RALGPS1: variants seen among roughly 807,000 people sequenced by gnomAD.
RALGPS1 encodes Ral GEF with PH domain and SH3 binding motif 1, also known as ras-specific guanine nucleotide-releasing factor RalGPS1.
In RALGPS1, 19 loss-of-function variants were observed where a neutral mutation model predicts 78.8. The ratio of observed to expected loss-of-function variants is 0.24; its 90% CI spans 0.17 to 0.35. RALGPS1 has a LOEUF of 0.35. RALGPS1 is among the 10% of genes least tolerant of loss of function. The pLI is 1.00. For synonymous variants in RALGPS1, 228 were observed against 256.3 expected, an observed-to-expected ratio of 0.89 and a Z score of 1.06; for missense variants, 454 against 688.3, an observed-to-expected ratio of 0.66 and a Z score of 3.81.
intron 4 of RALGPS1, among the ~76,000 whole-genome samples, chr9:126,984,689 G>C (rs1261585943): frequency 6.6e-6 from 1 of 152,078 alleles, no homozygotes; most frequent in African/African-American, 2.4e-5. Flanking sequence ...TGACCAGTTG[G>C]ATCCCTTTTA....
rs149927826 is a variant in RALGPS1, at chr9:126,929,524, TCACCGCAA to T, written c.-66+14551_-66+14558del. 5.6e-3 allele frequency among the ~76,000 whole-genome samples: 858 copies of T among 152,256 alleles called. 25 individuals carry two copies. In the East Asian group the frequency reaches 0.081, roughly 14 times the overall value. On this transcript the variant is annotated intron_variant, in intron 1 of 18. Coordinates refer to ENST00000259351, the MANE Select transcript of RALGPS1 (RefSeq NM_014636.3). ...TGGAGTGCAGTGGCGTGATCTTAGC[TCACCGCAA>T]CCTCCACCTCCCAGGTTCAAGCGAT...
In RALGPS1 at chr9:126,995,534, G is replaced by A. The variant is rs141821001; in HGVS notation, c.216+17789G>A. On this transcript the variant is annotated intron_variant, in intron 4 of 18. Coordinates refer to ENST00000259351, the MANE Select transcript of RALGPS1 (RefSeq NM_014636.3). ...TGGAGCACCCAGATTCATAAAGCAC[G>A]TCCTTAGTGACCTACAAAGAGACTT... Among the ~76,000 whole-genome samples, 167 of 152,156 alleles carry A rather than the reference G, an allele frequency of 1.1e-3. 6 individuals are homozygous for A. Among genetic ancestry groups the A allele is most frequent in the East Asian group, 8.9e-3 (46 of 5,180 alleles).
intron 4 of RALGPS1, among the ~76,000 whole-genome samples, chr9:127,011,068 TA>T (rs977675439): frequency 9.9e-5 from 15 of 152,086 alleles, no homozygotes; most frequent in African/African-American, 3.6e-4. Context: ...GTGGTGATCA[TA>T]GCAGTGTGGC....
At chr9:127,150,389 G>A (rs1664130270) in intron 8 of RALGPS1, among the ~76,000 whole-genome samples, 1 of 152,182 alleles carries the variant, frequency 6.6e-6, no homozygotes, top group Non-Finnish European at 1.5e-5. Context: ...AGTACCCATT[G>A]CAGCCTTTGA....
chr9:126,982,928 C>CTTTTTTTTTTTTT, intron 4 of RALGPS1, among the ~76,000 whole-genome samples: 1 of 34,628 alleles, frequency 2.9e-5, no homozygotes, highest in African/African-American at 7.5e-5. Flanking sequence ...TCTTCTTCTT[C>CTTTTTTTTTTTTT]TTTTTTTTTT....
intron 7 of RALGPS1, among the ~76,000 whole-genome samples, chr9:127,054,659 G>A (rs1564494439): frequency 6.6e-6 from 1 of 152,268 alleles, no homozygotes; most frequent in Non-Finnish European, 1.5e-5. Flanking sequence ...CTTCACTCCT[G>A]TTGATGGTTC....
chr9:126,973,048 C>G (rs1371655315), intron 3 of RALGPS1, among the ~76,000 whole-genome samples: 2 of 151,526 alleles, frequency 1.3e-5, no homozygotes, highest in Non-Finnish European at 2.9e-5. Context: ...GGCGACAGAG[C>G]GAGACTCCAT....
rs569435228 is a variant in RALGPS1 at position 126,931,628 on chromosome 9, G to C, written c.-66+16653G>C. Among the ~76,000 whole-genome samples, 8 of 152,214 alleles carry C rather than the reference G, an allele frequency of 5.3e-5. 1 individual carries two copies. The South Asian group carries it at 1.7e-3, about 32-fold the overall frequency. On this transcript the variant is annotated intron_variant, in intron 1 of 18. Transcript: ENST00000259351. The stretch of plus-strand genomic sequence containing the variant: ...CTGGGTCTCATGGCAGGGGGAGTGG[G>C]GAGTAACTGCTGATGGGTTGGGTAC...
chr9:127,172,297 G>A (rs2059606885), intron 10 of RALGPS1, among the ~76,000 whole-genome samples: 1 of 152,120 alleles, frequency 6.6e-6, no homozygotes. Context: ...GGCTTTGGGT[G>A]TTGCTGTAGA....
intron 11 of RALGPS1, among the ~76,000 whole-genome samples, chr9:127,180,819 G>A (rs924559773): frequency 2.0e-5 from 3 of 152,232 alleles, no homozygotes; most frequent in African/African-American, 7.2e-5. Context: ...ACAGGGCTCC[G>A]GCTGGAGCTG....
chr9:127,204,409 T>C (rs1031148479), intron 14 of RALGPS1, among the ~76,000 whole-genome samples: 2 of 152,154 alleles, frequency 1.3e-5, no homozygotes, highest in African/African-American at 2.4e-5. Context: ...CAGGAGCCAC[T>C]ATGTCCAGCC....
At chr9:127,033,697 C>T (rs1274334939) in intron 4 of RALGPS1, among the ~76,000 whole-genome samples, 2 of 152,200 alleles carry the variant, frequency 1.3e-5, no homozygotes, top group East Asian at 1.9e-4. Context: ...TCTCCTTGGT[C>T]CTTTTTTGTA....
At chr9:127,149,566 C>T (rs2058301292) in intron 8 of RALGPS1, among the ~76,000 whole-genome samples, 1 of 152,242 alleles carries the variant, frequency 6.6e-6, no homozygotes, top group Non-Finnish European at 1.5e-5. Context: ...CATCTGCCCC[C>T]TCTGAGGGCA....
At chr9:126,964,802 CTAA>C (rs1564321588) in intron 2 of RALGPS1, among the ~76,000 whole-genome samples, 1 of 152,124 alleles carries the variant, frequency 6.6e-6, no homozygotes. Context: ...CCTCACTGGC[CTAA>C]AAGCACTCTA....
chr9:127,166,475 C>T (rs568879474), intron 9 of RALGPS1, among the ~76,000 whole-genome samples: 12 of 152,254 alleles, frequency 7.9e-5, no homozygotes, highest in Admixed American at 5.9e-4. Flanking sequence ...TAGTGAGTGG[C>T]AGAGCTCAGG....
chr9:127,183,816 G>C lies in RALGPS1; in HGVS notation c.910+9034G>C. ...CTCCATGAGGACCTCAGGGATAGGA[G>C]GCCAGTTGTGGCCCATTACTCTGGG... On this transcript the variant is annotated intron_variant, in intron 11 of 18. Coordinates refer to ENST00000259351, the MANE Select transcript of RALGPS1 (RefSeq NM_014636.3). This position sits in a 1 kb window ranked among gnomAD's most constrained non-coding sequence, Gnocchi z 4.0. The C allele has an allele frequency of 2.0e-6, 3 of 1,490,880 alleles. No homozygotes were observed. Among genetic ancestry groups the C allele is most frequent in the Non-Finnish European group, 2.7e-6 (3 of 1,110,454 alleles). The allele number at this position is 1,490,880 out of a possible 1,614,324, so 92.4% of individuals were successfully genotyped here. A position where few individuals can be genotyped will look rare whatever the true frequency, so the allele number is the denominator to read the frequency against.
At chr9:127,034,292 T>C in intron 4 of RALGPS1, 139 bp from the exon 5 acceptor site, 1 of 725,712 alleles carries the variant, frequency 1.4e-6, no homozygotes, top group South Asian at 1.7e-5. Flanking sequence ...AGCCCTTCTC[T>C]TCCACCTAGT....
chr9:126,949,345 G>A (rs868156748), intron 1 of RALGPS1, among the ~76,000 whole-genome samples: 2,164 of 151,034 alleles, frequency 0.014, 27 homozygotes, highest in Middle Eastern at 0.024. Flanking sequence ...GGATGGCTGG[G>A]TCAAATGGTA....
At chr9:127,217,010 C>T (rs1361437081) in intron 18 of RALGPS1, 1 of 1,524,104 alleles carries the variant, frequency 6.6e-7, no homozygotes, top group Non-Finnish European at 8.8e-7. Context: ...GAAGCCTGGG[C>T]ACCATGGTGG....
Sources: gnomAD v4.1 joint callset for allele counts (sites outside exome capture counted in the v4.1 genomes callset) on GRCh38, gnomAD v4.1.1 for gene constraint, Gnocchi (gnomAD v3.1) non-coding constraint, MANE v1.5 for transcripts, NCBI Gene and HGNC (gene_info 2026-07-23, HGNC 2026-07-21) for gene names.